Variants in SYN3 observed in about 807,000 individuals in gnomAD.
The protein encoded by SYN3 is synapsin III.
Under a neutral mutation model 65.8 loss-of-function variants are expected in SYN3, and 35 were observed. The observed-to-expected ratio is 0.53, with a 90% CI of 0.41 to 0.70. The LOEUF is 0.70. Ranked by LOEUF, SYN3 falls within the 30% of genes least tolerant of loss-of-function variation. The pLI is 0.00. For synonymous variants in SYN3, 270 were observed against 292.9 expected, an observed-to-expected ratio of 0.92 and a Z score of 0.80; for missense variants, 680 against 749.0, an observed-to-expected ratio of 0.91 and a Z score of 1.08.
At chr22:32,988,319 T>C (rs762998296) in intron 2 of SYN3, among the ~76,000 whole-genome samples, 1,687 of 96,236 alleles carry the variant, frequency 0.018, 16 homozygotes, top group Middle Eastern at 0.029. Context: ...ATAATAATAA[T>C]AATAATAATA....
chr22:32,592,152 T>C (rs2059136295), intron 7 of SYN3, among the ~76,000 whole-genome samples: 1 of 152,222 alleles, frequency 6.6e-6, no homozygotes. Flanking sequence ...TGGGATCGAC[T>C]GTATTGACAT....
chr22:32,597,687 C>T (rs995294746), intron 6 of SYN3, among the ~76,000 whole-genome samples: 2 of 152,208 alleles, frequency 1.3e-5, no homozygotes, highest in Admixed American at 1.3e-4. Flanking sequence ...CTCTGCGTCA[C>T]CTCCCTTAGG....
chr22:32,797,593 G>A (rs563465346), intron 6 of SYN3, among the ~76,000 whole-genome samples: 2 of 152,192 alleles, frequency 1.3e-5, no homozygotes, highest in South Asian at 2.1e-4. Context: ...GCAGGTGAAC[G>A]CATAACTACA....
intron 6 of SYN3, among the ~76,000 whole-genome samples, chr22:32,794,064 T>C (rs541520324): frequency 6.6e-6 from 1 of 152,350 alleles, no homozygotes; most frequent in Admixed American, 6.5e-5. Context: ...GGCATTTGTG[T>C]GTCCAGCATT....
intron 1 of SYN3, chr22:33,015,220 CAAAAAA>C: frequency 1.5e-4 from 15 of 101,000 alleles, no homozygotes; most frequent in Admixed American, 4.4e-4. Flanking sequence ...GACTCCGTCT[CAAAAAA>C]AAAAAAAAAA....
chr22:32,532,193 G>C (rs1461193103), intron 10 of SYN3, among the ~76,000 whole-genome samples: 2 of 152,298 alleles, frequency 1.3e-5, no homozygotes, highest in East Asian at 3.9e-4. Flanking sequence ...TCCTGGAGCA[G>C]CGGCTCAGTG....
chr22:32,700,292 G>A (rs1042444458), intron 6 of SYN3, among the ~76,000 whole-genome samples: 7 of 152,162 alleles, frequency 4.6e-5, no homozygotes, highest in African/African-American at 1.4e-4. Context: ...TTTTGCCCAA[G>A]TAGCCCAAGC....
chr22:32,864,651 G>A, intron 6 of SYN3: 1 of 321,410 alleles, frequency 3.1e-6, no homozygotes, highest in Non-Finnish European at 5.8e-6. Flanking sequence ...CCCAGAACGT[G>A]TCCCCTGATT....
intron 6 of SYN3, among the ~76,000 whole-genome samples, chr22:32,747,480 C>G (rs751022423): frequency 2.4e-4 from 36 of 152,292 alleles, no homozygotes; most frequent in Middle Eastern, 3.4e-3. Flanking sequence ...CGGTAAAGTG[C>G]TTTGTTGTAA....
At chr22:32,892,807 C>T (rs964573337) in intron 4 of SYN3, among the ~76,000 whole-genome samples, 2 of 152,060 alleles carry the variant, frequency 1.3e-5, no homozygotes, top group Non-Finnish European at 2.9e-5. Context: ...GCATGAATGC[C>T]AGTTTGCTGA....
chr22:32,726,864 A>T lies in SYN3; in HGVS notation c.712-130128T>A, dbSNP rs577943586. Reference sequence around the variant, plus strand: ...CTCCATTCTTACTATCCCACAACCCATTCTCAACAAAGCACCCAGAAGATC... The same window carrying T: ...CTCCATTCTTACTATCCCACAACCCTTTCTCAACAAAGCACCCAGAAGATC... On this transcript the variant is annotated intron_variant, in intron 6 of 13. Transcript: ENST00000358763. Among the ~76,000 whole-genome samples the T allele has an allele frequency of 1.2e-3, 177 of 152,238 alleles. 6 individuals are homozygous for T. The South Asian group carries it at 0.035, about 30-fold the overall frequency.
intron 1 of SYN3, among the ~76,000 whole-genome samples, chr22:33,032,706 T>C (rs772786091): frequency 6.6e-6 from 1 of 152,088 alleles, no homozygotes; most frequent in Non-Finnish European, 1.5e-5. Context: ...CTCTGGTGTC[T>C]TTACTGAAGC....
At chr22:32,696,179 C>G (rs2060734154) in intron 6 of SYN3, among the ~76,000 whole-genome samples, 1 of 152,128 alleles carries the variant, frequency 6.6e-6, no homozygotes, top group Non-Finnish European at 1.5e-5. Context: ...TCTTGGAGTA[C>G]CCTGAATTCT....
chr22:32,637,858 C>T (rs956418689), intron 6 of SYN3, among the ~76,000 whole-genome samples: 1 of 151,960 alleles, frequency 6.6e-6, no homozygotes, highest in Non-Finnish European at 1.5e-5. Context: ...AGGCTGGTCT[C>T]GAACTCCCAA....
rs1411375144 is a variant in SYN3 at position 32,507,999 on chromosome 22, A to C, written c.*5693T>G. On this transcript the variant is annotated 3_prime_UTR_variant, in exon 14 of 14. Coordinates refer to ENST00000358763, the MANE Select transcript of SYN3 (RefSeq NM_003490.4). Reference sequence around the variant, plus strand: ...CCATTCTCTCTCCATACCACCCCCCAAAAATTTTCGTCGCCCCAACACTTC... The same window carrying C: ...CCATTCTCTCTCCATACCACCCCCCCAAAATTTTCGTCGCCCCAACACTTC... Among the ~76,000 whole-genome samples, 1 of 151,964 alleles carries C rather than the reference A, an allele frequency of 6.6e-6. No homozygotes were observed. The highest frequency in any genetic ancestry group is 1.5e-5 in the Non-Finnish European group (1 of 68,000).
chr22:32,996,852 G>A (rs60160756), intron 2 of SYN3, among the ~76,000 whole-genome samples: 3,686 of 152,282 alleles, frequency 0.024, 156 homozygotes, highest in African/African-American at 0.083. Flanking sequence ...CCAGCAGGGC[G>A]GGGCTGCCTG....
At chr22:32,662,852 G>A (rs1001635659) in intron 6 of SYN3, among the ~76,000 whole-genome samples, 6 of 152,198 alleles carry the variant, frequency 3.9e-5, no homozygotes, top group African/African-American at 1.4e-4. Context: ...TGAGTGGATA[G>A]ATGAATTTTC....
intron 6 of SYN3, among the ~76,000 whole-genome samples, chr22:32,646,509 A>C (rs2146921621): frequency 6.6e-6 from 1 of 152,336 alleles, no homozygotes; most frequent in Non-Finnish European, 1.5e-5. Flanking sequence ...TTTACACCTG[A>C]GTTTTAAACA....
chr22:32,759,625 A>G (rs2045394724), intron 6 of SYN3, among the ~76,000 whole-genome samples: 1 of 150,836 alleles, frequency 6.6e-6, no homozygotes, highest in Non-Finnish European at 1.5e-5. Flanking sequence ...CCTGATTCCT[A>G]CATTCCTACC....
Sources: gnomAD v4.1 joint callset for allele counts (sites outside exome capture counted in the v4.1 genomes callset) on GRCh38, gnomAD v4.1.1 for gene constraint, MANE v1.5 for transcripts, NCBI Gene and HGNC (gene_info 2026-07-23, HGNC 2026-07-21) for gene names.